Variants in MTOR observed in about 807,000 individuals in gnomAD.
The protein encoded by MTOR is mechanistic target of rapamycin kinase.
Under a neutral mutation model 319.8 loss-of-function variants are expected in MTOR, and 70 were observed. The observed-to-expected ratio is 0.22, with a 90% CI of 0.18 to 0.27. MTOR has a LOEUF of 0.27. Ranked by LOEUF, MTOR falls within the 10% of genes least tolerant of loss-of-function variation. The probability of loss-of-function intolerance (pLI) is 1.00; values close to 1 mark genes in which losing one functional copy is unlikely to be tolerated. For synonymous variants in MTOR, 1,183 were observed against 1,211.4 expected (o/e 0.98, Z 0.49); for missense variants, 1,890 against 3,274.4 (o/e 0.58, Z 10.32).
intron 34 of MTOR, 151 bp downstream of exon 34, chr1:11,144,497 G>C: frequency 1.7e-6 from 1 of 597,820 alleles, no homozygotes; most frequent in Non-Finnish European, 3.0e-6. Flanking sequence ...GAGCCTTTGA[G>C]TATTCTGCTT....
chr1:11,250,071 G>T (rs1312416341), intron 6 of MTOR, among the ~76,000 whole-genome samples: 10 of 139,238 alleles, frequency 7.2e-5, no homozygotes, highest in South Asian at 2.5e-4. Flanking sequence ...CTCCCTCCCG[G>T]ACGGGGCGGC....
At chr1:11,220,858 C>T (rs1301831230) in intron 19 of MTOR, among the ~76,000 whole-genome samples, 1 of 151,896 alleles carries the variant, frequency 6.6e-6, no homozygotes, top group Non-Finnish European at 1.5e-5. Context: ...TCTGTTATAG[C>T]AGCAATAGGA....
At chr1:11,232,379 C>T (rs1273718641) in intron 16 of MTOR, 57 bp downstream of exon 16, 3 of 1,361,156 alleles carry the variant, frequency 2.2e-6, no homozygotes, top group Non-Finnish European at 2.1e-6. Context: ...TAAAGAGAAG[C>T]AAAGTCCCTG....
chr1:11,234,287 A>G, intron 13 of MTOR, 22 bp from the exon 14 acceptor site: 2 of 1,596,454 alleles, frequency 1.3e-6, no homozygotes, highest in Admixed American at 1.7e-5. Flanking sequence ...AAAGGCTCAT[A>G]TGTTCTCTAT....
At chr1:11,171,270 ATTTTC>A (rs1301059875) in intron 28 of MTOR, among the ~76,000 whole-genome samples, 3 of 151,140 alleles carry the variant, frequency 2.0e-5, no homozygotes, top group Non-Finnish European at 4.4e-5. Context: ...AAAACATTCT[ATTTTC>A]TTTTCTTCTT....
chr1:11,111,081 C>T (rs1324642158), intron 54 of MTOR: 1 of 454,650 alleles, frequency 2.2e-6, no homozygotes, highest in Admixed American at 2.4e-5. Context: ...TTCACAAATC[C>T]TGTCACAGTG....
rs78020860 is a variant in MTOR, at chr1:11,107,991, T to A, written c.7634+190A>T. ...TTAGTGTTTGCCTTCCAAGTATGCA[T>A]CCATATTTCTCAGTTTCTTTTTTTA... On this transcript the variant is annotated intron_variant, in intron 57 of 57. Transcript: ENST00000361445. Among the ~76,000 whole-genome samples, 2,810 of 152,340 alleles carry A rather than the reference T, an allele frequency of 0.018. 83 individuals carry two copies. Among genetic ancestry groups the A allele is most frequent in the African/African-American group, 0.065 (2,691 of 41,560 alleles).
chr1:11,153,390 C>T (rs1006455719), intron 30 of MTOR, among the ~76,000 whole-genome samples: 1 of 152,124 alleles, frequency 6.6e-6, no homozygotes, highest in African/African-American at 2.4e-5. Context: ...GGGCTGGTGC[C>T]ATAATAGGAA....
intron 15 of MTOR, chr1:11,232,896 T>A (rs960280824): frequency 3.0e-5 from 17 of 573,716 alleles, no homozygotes; most frequent in Middle Eastern, 4.9e-4. Flanking sequence ...AATAAAAAAT[T>A]TTTTTTAAAA....
chr1:11,179,957 G>A (rs939624536), intron 28 of MTOR, among the ~76,000 whole-genome samples: 1 of 152,126 alleles, frequency 6.6e-6, no homozygotes, highest in Non-Finnish European at 1.5e-5. Context: ...TGTTGCCCAC[G>A]CTGGAGTGCA....
chr1:11,123,342 G>A (rs1017730313), intron 47 of MTOR, among the ~76,000 whole-genome samples: 19 of 150,996 alleles, frequency 1.3e-4, no homozygotes, highest in African/African-American at 3.9e-4. Context: ...CTGTAGCCTC[G>A]ACCTCCTGGG....
intron 46 of MTOR, 150 bp downstream of exon 46, chr1:11,126,472 G>T: frequency 2.3e-6 from 2 of 868,818 alleles, no homozygotes; most frequent in African/African-American, 1.7e-5. Flanking sequence ...AAATTTGCTT[G>T]CCCTCTATTT....
At chr1:11,166,610 A>G (rs1383424817) in intron 29 of MTOR, among the ~76,000 whole-genome samples, 1 of 152,202 alleles carries the variant, frequency 6.6e-6, no homozygotes, top group Non-Finnish European at 1.5e-5. Context: ...GCTGGAGAGG[A>G]TGTGGAGAAA....
intron 28 of MTOR, chr1:11,190,077 T>C (rs1645469485): frequency 6.0e-6 from 7 of 1,164,870 alleles, no homozygotes; most frequent in Non-Finnish European, 8.4e-6. Flanking sequence ...TTCCCTTTAG[T>C]AAAGGCTTAT....
chr1:11,245,775 A>G (rs1010290668), intron 8 of MTOR, among the ~76,000 whole-genome samples: 1 of 152,108 alleles, frequency 6.6e-6, no homozygotes, highest in Non-Finnish European at 1.5e-5. Context: ...CCAGGAGTGG[A>G]GACTCATGCC....
intron 28 of MTOR, chr1:11,195,537 AC>A (rs1019372478): frequency 6.4e-6 from 1 of 155,242 alleles, no homozygotes; most frequent in African/African-American, 2.4e-5. Context: ...TCTTGAGTCT[AC>A]ACATTATTTT....
intron 25 of MTOR, among the ~76,000 whole-genome samples, chr1:11,204,910 C>T (rs1646090191): frequency 6.6e-6 from 1 of 152,218 alleles, no homozygotes; most frequent in South Asian, 2.1e-4. Flanking sequence ...AAGCCTGTTT[C>T]ACAACTCCTT....
At chr1:11,222,872 G>C (rs1646714352) in intron 19 of MTOR, among the ~76,000 whole-genome samples, 1 of 151,950 alleles carries the variant, frequency 6.6e-6, no homozygotes, top group African/African-American at 2.4e-5. Flanking sequence ...CTGGGAAAAA[G>C]GCTGATAGGG....
chr1:11,167,293 CTT>C (rs1258374345), intron 29 of MTOR, 147 bp downstream of exon 29: 3 of 643,722 alleles, frequency 4.7e-6, no homozygotes, highest in Non-Finnish European at 5.6e-6. Context: ...CAGTTTATCT[CTT>C]TCATCCTGAA....
Sources: gnomAD v4.1 joint callset for allele counts (sites outside exome capture counted in the v4.1 genomes callset) on GRCh38, gnomAD v4.1.1 for gene constraint, MANE v1.5 for transcripts, NCBI Gene and HGNC (gene_info 2026-07-23, HGNC 2026-07-21) for gene names.